The following BBOF1 variants were observed in gnomAD, a reference collection of about 807,000 sequenced individuals.
The protein encoded by BBOF1 is basal body-orientation factor 1.
Under a neutral mutation model 68.0 loss-of-function variants are expected in BBOF1, and 62 were observed. That is an observed-to-expected ratio of 0.91 (90% CI 0.74 to 1.13). BBOF1 has a LOEUF of 1.13. Among genes scored for constraint, BBOF1 ranks in the 50% most tolerant of loss-of-function variants. The pLI is 0.00. For synonymous variants in BBOF1, 208 were observed against 198.8 expected (o/e 1.05, Z -0.39); for missense variants, 534 against 600.1 (o/e 0.89, Z 1.15).
chr14:74,082,196 C>T (rs2060674995), intron 12 of BBOF1, among the ~76,000 whole-genome samples: 1 of 152,076 alleles, frequency 6.6e-6, no homozygotes, highest in Admixed American at 6.6e-5. Context: ...CAGAGCGAGA[C>T]CCTGTCTCGA....
chr14:74,028,754 G>T (rs1231840147), intron 2 of BBOF1, among the ~76,000 whole-genome samples: 1 of 151,462 alleles, frequency 6.6e-6, no homozygotes, highest in Non-Finnish European at 1.5e-5. Flanking sequence ...TGTCACCCGG[G>T]CTGGAGTGCA....
downstream of BBOF1, among the ~76,000 whole-genome samples, chr14:74,069,677 C>T (rs1179514378): frequency 1.3e-5 from 2 of 151,706 alleles, no homozygotes; most frequent in Admixed American, 6.6e-5. Context: ...TGCTTGAACC[C>T]GGGAGGCAGA....
At chr14:74,027,348 A>G (rs2059455238) in intron 2 of BBOF1, among the ~76,000 whole-genome samples, 1 of 148,980 alleles carries the variant, frequency 6.7e-6, no homozygotes, top group Non-Finnish European at 1.5e-5. Flanking sequence ...CAGCTTCCCA[A>G]AGTGTTGGGA....
intron 5 of BBOF1, among the ~76,000 whole-genome samples, chr14:74,044,627 T>TA (rs925066694): frequency 1.1e-4 from 16 of 151,886 alleles, no homozygotes; most frequent in Admixed American, 3.3e-4. Context: ...CATGCCGAAT[T>TA]AAAAAAAATT....
At chr14:74,057,399 A>C (rs1263089772) in intron 11 of BBOF1, 141 bp downstream of exon 11, 1 of 1,532,158 alleles carries the variant, frequency 6.5e-7, no homozygotes, top group South Asian at 1.2e-5. Flanking sequence ...GCATTAGTAG[A>C]TTACATAAAT....
chr14:74,070,951 T>G (rs2060540836), downstream of BBOF1: 1 of 531,986 alleles, frequency 1.9e-6, no homozygotes, highest in Non-Finnish European at 3.4e-6. Flanking sequence ...ATCTTATCTG[T>G]GTCTAGCCCT....
intron 2 of BBOF1, among the ~76,000 whole-genome samples, 198 bp downstream of exon 2, chr14:74,023,342 C>T (rs56073585): frequency 0.1 from 15,295 of 152,042 alleles, 844 homozygotes; most frequent in South Asian, 0.18. Flanking sequence ...ATTTTCAATC[C>T]TTGTTGCATG....
intron 7 of BBOF1, 35 bp from the exon 8 acceptor site, chr14:74,049,667 A>G (rs1316044234): frequency 7.1e-7 from 1 of 1,407,230 alleles, no homozygotes; most frequent in Admixed American, 2.6e-5. Context: ...ATCTCAAAAG[A>G]AAAAAAAAAT....
In BBOF1 at chr14:74,045,302, A is replaced by T. The variant is rs200589897; in HGVS notation, c.577-758A>T. On this transcript the variant is annotated intron_variant, in intron 5 of 11. Transcript: ENST00000394009. ...TCTGGTAATTATTAATGCTCATAGT[A>T]TTATTTTTTATTTATTTATTTTCTT... Among the ~76,000 whole-genome samples, 16 of 151,688 alleles carry T rather than the reference A, an allele frequency of 1.1e-4. 1 individual carries two copies. Among genetic ancestry groups the T allele is most frequent in the African/African-American group, 3.9e-4 (16 of 41,228 alleles).
chr14:74,049,285 A>G (rs1447180673), intron 7 of BBOF1, among the ~76,000 whole-genome samples: 2 of 152,110 alleles, frequency 1.3e-5, no homozygotes, highest in African/African-American at 2.4e-5. Context: ...TACTCTCTAT[A>G]TAGAATACCA....
At chr14:74,068,390 A>C (rs1275641666), downstream of BBOF1, among the ~76,000 whole-genome samples, 1 of 151,378 alleles carries the variant, frequency 6.6e-6, no homozygotes, top group Admixed American at 6.6e-5. Flanking sequence ...AAAAAAAAGA[A>C]AAAAAGTGAT....
At position 74,040,549 on chromosome 14, in the gene BBOF1, G is replaced by T; in HGVS notation, c.496-16G>T. 2 of 1,517,568 alleles carry T rather than the reference G, an allele frequency of 1.3e-6. No individual in the cohort carries two copies. The highest frequency in any genetic ancestry group is 1.8e-6 in the Non-Finnish European group (2 of 1,125,366). 94.0% of individuals were successfully genotyped at this position (1,517,568 alleles called of 1,614,324 possible). On this transcript the variant is annotated splice_polypyrimidine_tract_variant and intron_variant, in intron 4 of 11. Coordinates refer to ENST00000394009, the MANE Select transcript of BBOF1 (RefSeq NM_025057.3). The stretch of plus-strand genomic sequence containing the variant: ...TTCTATTGATCATTTTTGTTTGTTT[G>T]TTATTTTAATTTTAGCTGAAAGAGA...
intron 1 of BBOF1, among the ~76,000 whole-genome samples, chr14:74,021,566 A>G (rs1273792245): frequency 6.6e-6 from 1 of 150,938 alleles, no homozygotes; most frequent in Non-Finnish European, 1.5e-5. Context: ...TACAGCCTGG[A>G]TGACAGAGCA....
chr14:74,068,203 A>T (rs1223415446), downstream of BBOF1, among the ~76,000 whole-genome samples: 7 of 151,032 alleles, frequency 4.6e-5, no homozygotes, highest in Non-Finnish European at 1.0e-4. Context: ...TGGCCAAGAA[A>T]CCCTGTCTCT....
chr14:74,056,657 TA>T (rs2060216379), intron 9 of BBOF1, among the ~76,000 whole-genome samples: 1 of 152,024 alleles, frequency 6.6e-6, no homozygotes, highest in South Asian at 2.1e-4. Context: ...TTAAAATAAC[TA>T]AAAGAGTGTA....
intron 10 of BBOF1, among the ~76,000 whole-genome samples, chr14:74,078,621 G>A (rs1270559962): frequency 3.3e-5 from 5 of 152,192 alleles, no homozygotes; most frequent in Middle Eastern, 6.8e-3. Context: ...TCCACCTCCC[G>A]GGTTCAAGTG....
At chr14:74,059,324 G>A in intron 11 of BBOF1, 1 of 455,506 alleles carries the variant, frequency 2.2e-6, no homozygotes, top group Non-Finnish European at 4.4e-6. Context: ...TAAGGCAGGT[G>A]TCTTACCCAT....
rs768631870 is a variant in BBOF1 at position 74,056,945 on chromosome 14, T to C, written c.1428T>C (p.Tyr476=). The change falls in exon 10 of 12, where the codon TAT becomes TAC. Residue 476 remains tyrosine, a synonymous_variant. Coordinates refer to ENST00000394009, the MANE Select transcript of BBOF1 (RefSeq NM_025057.3). ...GTTCTAGGCCTCCAGTTCCAGACTA[T>C]GTTGTTTCTGACAGTGGGGAAACAA... The part of the protein sequence containing the change: ...NQSSRPPVPD[Y]VVSDSGETKE... The C allele has an allele frequency of 6.2e-7, 1 of 1,613,798 alleles. No homozygotes were observed. Among genetic ancestry groups the C allele is most frequent in the Non-Finnish European group, 8.5e-7 (1 of 1,179,900 alleles).
Position 74,036,184 on chromosome 14 carries a change from T to G in BBOF1, c.495+2013T>G, listed in dbSNP as rs114418856. ...GATTTTGGTGCCTCAGCCTCCCAAG[T>G]AGCAGGGACTATAGGCGCACGCCAC... On this transcript the variant is annotated intron_variant, in intron 4 of 11. Transcript: ENST00000394009. 6.9e-3 allele frequency among the ~76,000 whole-genome samples: 1,052 copies of G among 152,180 alleles called. 16 individuals are homozygous for G. Among genetic ancestry groups the G allele is most frequent in the African/African-American group, 0.024 (1,013 of 41,538 alleles).
Sources: gnomAD v4.1 joint callset for allele counts (sites outside exome capture counted in the v4.1 genomes callset) on GRCh38, gnomAD v4.1.1 for gene constraint, MANE v1.5 for transcripts, NCBI Gene and HGNC (gene_info 2026-07-23, HGNC 2026-07-21) for gene names.